Variants in ERO1A observed in about 807,000 individuals in gnomAD.
ERO1A encodes endoplasmic reticulum oxidoreductase 1 alpha.
ERO1A carries 49 observed loss-of-function variants against 76.9 expected under a neutral mutation model. The ratio of observed to expected loss-of-function variants is 0.64; its 90% CI spans 0.51 to 0.81. The LOEUF (loss-of-function observed/expected upper bound fraction) is 0.81. Ranked by LOEUF, ERO1A falls within the 30% of genes least tolerant of loss-of-function variation. The pLI, the probability that ERO1A is intolerant of heterozygous loss-of-function variation, is 0.00. For synonymous variants in ERO1A, 174 were observed against 181.2 expected (o/e 0.96, Z 0.32); for missense variants, 448 against 542.1 (o/e 0.83, Z 1.72).
intron 7 of ERO1A, among the ~76,000 whole-genome samples, chr14:52,665,131 G>A (rs547508452): frequency 8.6e-5 from 13 of 151,282 alleles, no homozygotes; most frequent in African/African-American, 2.2e-4. Context: ...GTGAAACCCC[G>A]TCTCCACTAA....
intron 4 of ERO1A, among the ~76,000 whole-genome samples, chr14:52,673,531 A>G (rs1176396759): frequency 1.3e-5 from 2 of 152,228 alleles, no homozygotes; most frequent in East Asian, 3.8e-4. Flanking sequence ...TTAAAAACCA[A>G]TCAATACTAC....
intron 9 of ERO1A, among the ~76,000 whole-genome samples, chr14:52,659,534 C>G (rs1187648701): frequency 1.3e-5 from 2 of 152,120 alleles, no homozygotes; most frequent in Non-Finnish European, 2.9e-5. Flanking sequence ...TGCTGAACCT[C>G]TCTTCACCTA....
At position 52,641,678 on chromosome 14, in the gene ERO1A, G is replaced by C. The variant is rs1162481513; in HGVS notation, c.*1892C>G. On this transcript the variant is annotated 3_prime_UTR_variant, in exon 16 of 16. Transcript: ENST00000395686. Reference sequence around the variant, plus strand: ...GAGAGAGAGGGACACACAAAAAATGGCCATTTGAACCCACACTGTATTTAT... The same window carrying C: ...GAGAGAGAGGGACACACAAAAAATGCCCATTTGAACCCACACTGTATTTAT... The C allele has an allele frequency of 6.6e-6, 1 of 151,862 alleles. No homozygotes were observed. The highest frequency in any genetic ancestry group is 1.5e-5 in the Non-Finnish European group (1 of 67,980). The allele number at this position is 151,862 out of a possible 1,614,324, so 9.4% of individuals were successfully genotyped here. A position where few individuals can be genotyped will look rare whatever the true frequency, so the allele number is the denominator to read the frequency against.
Position 52,653,186 on chromosome 14 carries a change from C to T in ERO1A, c.938G>A (p.Arg313Lys), listed in dbSNP as rs1314977836. The stretch of plus-strand genomic sequence containing the variant: ...GAATGGTAACACTTTGGATAAAGCC[C>T]TTAGTTCTATTAAGTAGAGAAAATA... ...NLYFLYLIELRALSKVLPFFE... is the reference protein window; with the variant it reads ...NLYFLYLIELKALSKVLPFFE... Residue 313 changes from arginine to lysine, a missense_variant, in exon 12 of 16, where the codon AGG becomes AAG. This residue lies in a region of ERO1A where 302 missense variants were observed against 411.9 expected (regional missense o/e 0.73). Transcript: ENST00000395686. 3 of 1,613,620 alleles carry T rather than the reference C, an allele frequency of 1.9e-6. No individual in the cohort carries two copies. The highest frequency in any genetic ancestry group is 1.7e-5 in the Admixed American group (1 of 59,982).
intron 9 of ERO1A, among the ~76,000 whole-genome samples, chr14:52,659,352 T>C (rs377178629): frequency 4.6e-5 from 7 of 152,130 alleles, no homozygotes; most frequent in Non-Finnish European, 7.4e-5. Flanking sequence ...AATATGATCA[T>C]CTTTAATGCT....
intron 15 of ERO1A, among the ~76,000 whole-genome samples, chr14:52,645,066 T>C (rs949976508): frequency 2.0e-5 from 3 of 152,152 alleles, no homozygotes; most frequent in Non-Finnish European, 4.4e-5. Context: ...TCTTTAATCA[T>C]TTTGATAGGA....
At chr14:52,671,908 T>C (rs770466071) in intron 4 of ERO1A, 37 bp from the exon 5 acceptor site, 11 of 1,329,398 alleles carry the variant, frequency 8.3e-6, no homozygotes, top group African/African-American at 4.5e-5. Context: ...TAATAACTTA[T>C]TGCATTTTTA....
rs140064149 is a variant in ERO1A, at chr14:52,695,415, C to T, written c.67G>A (p.Gly23Arg). The T allele has an allele frequency of 2.1e-4, 332 of 1,550,700 alleles. No homozygotes were observed. In the African/African-American group the frequency reaches 4.3e-3, roughly 20 times the overall value. The change falls in exon 1 of 16, where the codon GGA (glycine) becomes AGA (arginine). Residue 23 changes from glycine (G) to arginine (R), a missense_variant. Gly to Arg is a moderately radical substitution (Grantham distance 125). Around this residue, in one of 2 missense-constraint regions of ERO1A, gnomAD observed 146 missense variants for 130.2 expected, o/e 1.12. Transcript: ENST00000395686. ...GCTGTCTCCGGGGGCTGCTCCTCTC[C>T]GTGGCCCGAGCTGAGCAGCCACACG... The part of the protein sequence containing the change: ...GAVWLLSSGH[G>R]EEQPPETAAQ...
chr14:52,656,310 A>C (rs540368565), intron 11 of ERO1A, among the ~76,000 whole-genome samples: 3 of 152,238 alleles, frequency 2.0e-5, no homozygotes, highest in African/African-American at 7.2e-5. Context: ...ATGGAAAATA[A>C]TAAAATTTCC....
rs921473994 is a variant in ERO1A at position 52,683,177 on chromosome 14, C to A, written c.234+611G>T. 1.5e-4 allele frequency among the ~76,000 whole-genome samples: 23 copies of A among 152,192 alleles called. No homozygotes were observed. In the South Asian group the frequency reaches 3.7e-3, roughly 25 times the overall value. On this transcript the variant is annotated intron_variant, in intron 2 of 15. Coordinates refer to ENST00000395686, the MANE Select transcript of ERO1A (RefSeq NM_014584.3). ...TGAGCAGAGATCATGCCACTGCACT[C>A]CAGCCTGGGTGACAAAGCAAGATTC...
In ERO1A at chr14:52,664,972, TAAC is replaced by T. The variant is rs532109172; in HGVS notation, c.630-1128_630-1126del. ...TCCCATTCTTAATTCACACTAAAAA[TAAC>T]AACAACAGGGCCGGGCGTGGTGGCT... On this transcript the variant is annotated intron_variant, in intron 7 of 15. Coordinates refer to ENST00000395686, the MANE Select transcript of ERO1A (RefSeq NM_014584.3). Among the ~76,000 whole-genome samples, 247 of 151,990 alleles carry T rather than the reference TAAC, an allele frequency of 1.6e-3. 1 individual carries two copies. Among genetic ancestry groups the T allele is most frequent in the African/African-American group, 5.3e-3 (221 of 41,500 alleles).
intron 15 of ERO1A, among the ~76,000 whole-genome samples, chr14:52,645,239 A>G (rs1015584575): frequency 6.6e-6 from 1 of 152,058 alleles, no homozygotes; most frequent in Non-Finnish European, 1.5e-5. Flanking sequence ...TACAAATTCG[A>G]TAAGATGAAT....
chr14:52,665,613 T>C (rs2040387271), intron 7 of ERO1A, among the ~76,000 whole-genome samples: 1 of 151,234 alleles, frequency 6.6e-6, no homozygotes, highest in Non-Finnish European at 1.5e-5. Context: ...CAGCATAATG[T>C]GCTCGCACAT....
chr14:52,689,527 C>A (rs1164442350), intron 1 of ERO1A, among the ~76,000 whole-genome samples: 4 of 151,812 alleles, frequency 2.6e-5, no homozygotes, highest in African/African-American at 9.7e-5. Flanking sequence ...GAAAACAATT[C>A]TATTTAGAAT....
At chr14:52,683,101 G>A (rs976047965) in intron 2 of ERO1A, among the ~76,000 whole-genome samples, 1 of 152,122 alleles carries the variant, frequency 6.6e-6, no homozygotes, top group African/African-American at 2.4e-5. Flanking sequence ...CCAGTTACTT[G>A]GGAGGCTGAG....
chr14:52,656,811 A>C (rs2040066206), intron 11 of ERO1A, among the ~76,000 whole-genome samples: 1 of 152,084 alleles, frequency 6.6e-6, no homozygotes, highest in Admixed American at 6.5e-5. Flanking sequence ...CTATAATCCC[A>C]GTACTCTGGG....
Position 52,678,500 on chromosome 14 carries a change from T to C in ERO1A, c.319-28A>G, listed in dbSNP as rs773987727. 5.1e-6 allele frequency: 8 copies of C among 1,568,756 alleles called. No individual in the cohort carries two copies. The Admixed American group carries it at 1.2e-4, about 23-fold the overall frequency. ...GAAAAAGAAAAAAATATGTTTTTAGTTGGCATTTATTCTATCTTCTTAAAA... is the reference window on the plus strand; with the variant it reads ...GAAAAAGAAAAAAATATGTTTTTAGCTGGCATTTATTCTATCTTCTTAAAA... On this transcript the variant is annotated intron_variant, in intron 3 of 15. Coordinates refer to ENST00000395686, the MANE Select transcript of ERO1A (RefSeq NM_014584.3).
At chr14:52,671,727 CAT>C (rs2040605690) in intron 5 of ERO1A, 24 bp from the exon 6 acceptor site, 2 of 1,576,942 alleles carry the variant, frequency 1.3e-6, no homozygotes, top group Middle Eastern at 1.7e-4. Context: ...AAAAAAATAA[CAT>C]TATTATTTTT....
rs772782731 is a variant in ERO1A at position 52,671,722 on chromosome 14, A to C, written c.435-19T>G. On this transcript the variant is annotated intron_variant, in intron 5 of 15. Transcript: ENST00000395686. Reference sequence around the variant, plus strand: ...TTCCTCACTTCAAACAAAGAAAAAAAATAACATTATTATTTTTAAGTTAAT... The same window carrying C: ...TTCCTCACTTCAAACAAAGAAAAAACATAACATTATTATTTTTAAGTTAAT... 19 of 1,588,694 alleles carry C rather than the reference A, an allele frequency of 1.2e-5. No individual in the cohort carries two copies. The East Asian group carries it at 1.4e-4, about 11-fold the overall frequency.
Sources: gnomAD v4.1 joint callset for allele counts (sites outside exome capture counted in the v4.1 genomes callset) on GRCh38, gnomAD v4.1.1 for gene constraint, gnomAD v4.1.1 regional missense constraint, MANE v1.5 for transcripts, NCBI Gene and HGNC (gene_info 2026-07-23, HGNC 2026-07-21) for gene names.